The following PRIMA1 variants were observed in gnomAD, a reference collection of about 807,000 sequenced individuals.
PRIMA1 encodes the protein proline-rich membrane anchor 1.
In PRIMA1, 7 loss-of-function variants were observed where a neutral mutation model predicts 17.5. The observed-to-expected ratio is 0.40, with a 90% CI of 0.23 to 0.75. The LOEUF (loss-of-function observed/expected upper bound fraction) is 0.75, where lower values mean the gene tolerates loss of function less well. PRIMA1 is among the 30% of genes least tolerant of loss of function. PRIMA1 has a pLI of 0.37. For missense variants in PRIMA1, 200 were observed against 201.8 expected (o/e 0.99, Z 0.05); for synonymous variants, 97 against 77.9 (o/e 1.25, Z -1.29).
intron 3 of PRIMA1, among the ~76,000 whole-genome samples, chr14:93,756,794 G>A (rs1242556768): frequency 5.3e-5 from 8 of 151,990 alleles, no homozygotes; most frequent in African/African-American, 1.9e-4. Context: ...CATTCACCCA[G>A]CTGCTCAGTT....
chr14:93,719,759 C>T lies in PRIMA1; in HGVS notation c.*1685G>A, dbSNP rs2076025262. Reference sequence around the variant, plus strand: ...CAGGGGGTGGCACTATGCTGATGCCCAGGTGTCCAGGGGAAGCAAAATTCA... The same window carrying T: ...CAGGGGGTGGCACTATGCTGATGCCTAGGTGTCCAGGGGAAGCAAAATTCA... On this transcript the variant is annotated 3_prime_UTR_variant, in exon 5 of 5. Transcript: ENST00000393140. The T allele has an allele frequency of 6.6e-6, 1 of 152,382 alleles. No individual in the cohort carries two copies. The highest frequency in any genetic ancestry group is 2.4e-5 in the African/African-American group (1 of 41,424). 9.4% of individuals were successfully genotyped at this position (152,382 alleles called of 1,614,324 possible).
intron 3 of PRIMA1, among the ~76,000 whole-genome samples, chr14:93,778,150 A>T (rs567773961): frequency 6.6e-6 from 1 of 152,330 alleles, no homozygotes; most frequent in African/African-American, 2.4e-5. Context: ...GACGATTCCC[A>T]AGTCTCACCC....
At chr14:93,784,070 G>T (rs920724743) in intron 2 of PRIMA1, among the ~76,000 whole-genome samples, 4 of 152,158 alleles carry the variant, frequency 2.6e-5, no homozygotes, top group Non-Finnish European at 4.4e-5. Flanking sequence ...GGCAGTACCT[G>T]CCTCTCATCT....
intron 3 of PRIMA1, among the ~76,000 whole-genome samples, chr14:93,752,013 C>A (rs1433859114): frequency 1.3e-5 from 2 of 152,198 alleles, no homozygotes; most frequent in African/African-American, 4.8e-5. Context: ...AGACCTAGAT[C>A]ATTTCCACCA....
At chr14:93,780,088 C>T (rs558505508) in intron 2 of PRIMA1, among the ~76,000 whole-genome samples, 1 of 152,352 alleles carries the variant, frequency 6.6e-6, no homozygotes, top group South Asian at 2.1e-4. Context: ...CATCTCTCTG[C>T]CCTCATTCTC....
chr14:93,751,830 T>C (rs1413474748), intron 3 of PRIMA1, among the ~76,000 whole-genome samples: 3 of 152,226 alleles, frequency 2.0e-5, no homozygotes, highest in African/African-American at 7.2e-5. Flanking sequence ...AATATCCGTA[T>C]TGACAGTCCA....
chr14:93,725,914 C>T (rs2076072324), intron 4 of PRIMA1: 1 of 456,208 alleles, frequency 2.2e-6, no homozygotes, highest in Non-Finnish European at 4.4e-6. Context: ...CTCTGTGAGT[C>T]AGCTGAGGCT....
chr14:93,785,763 G>A (rs375675027), intron 2 of PRIMA1, among the ~76,000 whole-genome samples: 115 of 152,118 alleles, frequency 7.6e-4, no homozygotes, highest in African/African-American at 2.7e-3. Flanking sequence ...AGAGCCTCAA[G>A]CCAAGATTTT....
Position 93,733,747 on chromosome 14 carries a change from C to T in PRIMA1, c.359+3494G>A, listed in dbSNP as rs139574124. Among the ~76,000 whole-genome samples the T allele has an allele frequency of 7.2e-5, 11 of 152,258 alleles. No individual in the cohort carries two copies. In the East Asian group the frequency reaches 2.1e-3, roughly 29 times the overall value. ...CAGTGACATGAGATACTTTTGTTTCCTGAGAGAAAAGGCATGTTTTAGATG... is the reference window on the plus strand; with the variant it reads ...CAGTGACATGAGATACTTTTGTTTCTTGAGAGAAAAGGCATGTTTTAGATG... On this transcript the variant is annotated intron_variant, in intron 4 of 4. Transcript: ENST00000393140.
At chr14:93,725,413 T>C (rs1439607789) in intron 4 of PRIMA1, among the ~76,000 whole-genome samples, 1 of 152,124 alleles carries the variant, frequency 6.6e-6, no homozygotes, top group Non-Finnish European at 1.5e-5. Context: ...CTGCAGCCCA[T>C]GGAAGCTGGG....
chr14:93,739,975 AGAATCGCTT>A (rs1195690611), intron 3 of PRIMA1, among the ~76,000 whole-genome samples: 2 of 152,148 alleles, frequency 1.3e-5, no homozygotes, highest in African/African-American at 4.8e-5. Flanking sequence ...CTGAGGCAGA[AGAATCGCTT>A]GAACCGGGAG....
intron 3 of PRIMA1, among the ~76,000 whole-genome samples, chr14:93,773,822 G>A (rs1885135260): frequency 6.6e-6 from 1 of 152,180 alleles, no homozygotes; most frequent in African/African-American, 2.4e-5. Context: ...GGCTGGGCAC[G>A]GTGGCTCACA....
intron 4 of PRIMA1, among the ~76,000 whole-genome samples, chr14:93,724,773 TATTAC>T (rs1383688283): frequency 6.6e-6 from 1 of 152,174 alleles, no homozygotes; most frequent in Non-Finnish European, 1.5e-5. Flanking sequence ...CCTTAATACA[TATTAC>T]ATATTGGGCT....
At chr14:93,760,225 C>T (rs559849910) in intron 3 of PRIMA1, among the ~76,000 whole-genome samples, 96 of 152,278 alleles carry the variant, frequency 6.3e-4, no homozygotes, top group African/African-American at 2.2e-3. Flanking sequence ...GCGGGGAACT[C>T]GGCCTCCTTC....
intron 3 of PRIMA1, among the ~76,000 whole-genome samples, chr14:93,747,524 A>G (rs1245718988): frequency 6.6e-6 from 1 of 152,018 alleles, no homozygotes; most frequent in Non-Finnish European, 1.5e-5. Flanking sequence ...AAGGATTTCA[A>G]GGCAGGAGGT....
chr14:93,750,873 G>A (rs1005657854), intron 3 of PRIMA1, among the ~76,000 whole-genome samples: 1 of 152,198 alleles, frequency 6.6e-6, no homozygotes, highest in Non-Finnish European at 1.5e-5. Flanking sequence ...ATGGGGCACA[G>A]GGCTCCATCT....
chr14:93,750,306 C>T (rs2076252367), intron 3 of PRIMA1, among the ~76,000 whole-genome samples: 1 of 152,162 alleles, frequency 6.6e-6, no homozygotes, highest in Admixed American at 6.5e-5. Flanking sequence ...CACTGGGAGG[C>T]TGAGGCAAGA....
At chr14:93,746,463 C>G (rs1222769803) in intron 3 of PRIMA1, among the ~76,000 whole-genome samples, 1 of 151,880 alleles carries the variant, frequency 6.6e-6, no homozygotes, top group Admixed American at 6.6e-5. Flanking sequence ...AGTGCAGGCC[C>G]GGAGGTGAGT....
intron 3 of PRIMA1, among the ~76,000 whole-genome samples, chr14:93,753,717 G>C (rs746442922): frequency 6.6e-6 from 1 of 152,212 alleles, no homozygotes; most frequent in Non-Finnish European, 1.5e-5. Context: ...TGCCTAAGTG[G>C]AGAGATGATG....
Sources: allele counts gnomAD v4.1 joint callset (sites outside exome capture counted in the v4.1 genomes callset), GRCh38; gene constraint gnomAD v4.1.1; transcripts MANE v1.5; gene names NCBI Gene and HGNC (gene_info 2026-07-23, HGNC 2026-07-21).